Variants in LINGO2 observed in about 807,000 individuals in gnomAD.
LINGO2 encodes the protein leucine-rich repeat and immunoglobulin-like domain-containing nogo receptor-interacting protein 2.
LINGO2 carries 14 observed loss-of-function variants against 30.6 expected under a neutral mutation model. That is an observed-to-expected ratio of 0.46 (90% confidence interval 0.30 to 0.72). The LOEUF is 0.72. LINGO2 is among the 30% of genes least tolerant of loss of function. The pLI is 0.07. For synonymous variants in LINGO2, 317 were observed against 288.5 expected, an observed-to-expected ratio of 1.10 and a Z score of -1.00; for missense variants, 729 against 751.7, an observed-to-expected ratio of 0.97 and a Z score of 0.35.
chr9:27,954,942 T>C (rs1215444542), intron 5 of LINGO2, among the ~76,000 whole-genome samples: 1 of 152,216 alleles, frequency 6.6e-6, no homozygotes, highest in Non-Finnish European at 1.5e-5. Context: ...TAATAGCCAT[T>C]CTAACTGGGG....
chr9:28,378,156 G>T (rs77913745), intron 2 of LINGO2, among the ~76,000 whole-genome samples: 2,488 of 152,262 alleles, frequency 0.016, 71 homozygotes, highest in African/African-American at 0.057. Context: ...CGCAATTGTA[G>T]ATAAAATTCC....
chr9:28,272,190 C>A (rs977245280), intron 4 of LINGO2, among the ~76,000 whole-genome samples: 7 of 152,098 alleles, frequency 4.6e-5, no homozygotes, highest in Admixed American at 4.6e-4. Context: ...CCTACTGACC[C>A]CATGCTGTCC....
At chr9:29,176,750 G>T in the LINGO2 span, among the ~76,000 whole-genome samples, 5 of 152,240 alleles carry the variant, frequency 3.3e-5, no homozygotes, top group Non-Finnish European at 7.3e-5. Context: ...TCAAGGTAAA[G>T]ATGGTATAGA....
At chr9:29,101,123 C>T in the LINGO2 span, among the ~76,000 whole-genome samples, 3 of 152,096 alleles carry the variant, frequency 2.0e-5, no homozygotes, top group Non-Finnish European at 4.4e-5. Flanking sequence ...GATGTCATAA[C>T]TTTAGCAAGG....
At chr9:27,978,260 C>A (rs993713696) in intron 5 of LINGO2, among the ~76,000 whole-genome samples, 1 of 152,070 alleles carries the variant, frequency 6.6e-6, no homozygotes, top group African/African-American at 2.4e-5. Context: ...TTCAATGCAA[C>A]AGATGTCTGG....
chr9:28,035,599 G>A (rs1823892013), intron 4 of LINGO2, among the ~76,000 whole-genome samples: 1 of 152,118 alleles, frequency 6.6e-6, no homozygotes, highest in Admixed American at 6.5e-5. Flanking sequence ...TAAATGTTAT[G>A]CAGTTTTATC....
At chr9:28,469,837 T>C (rs1564219985) in intron 2 of LINGO2, among the ~76,000 whole-genome samples, 1 of 152,010 alleles carries the variant, frequency 6.6e-6, no homozygotes, top group Admixed American at 6.6e-5. Context: ...GTCTTACAAG[T>C]TGAAATGAAA....
At chr9:28,174,386 A>T (rs1828685255) in intron 4 of LINGO2, among the ~76,000 whole-genome samples, 1 of 152,188 alleles carries the variant, frequency 6.6e-6, no homozygotes, top group Non-Finnish European at 1.5e-5. Context: ...CCACTTGCTC[A>T]TGAGTCTTTG....
chr9:28,072,626 C>T (rs904897635), intron 4 of LINGO2, among the ~76,000 whole-genome samples: 34 of 152,208 alleles, frequency 2.2e-4, no homozygotes, highest in African/African-American at 6.5e-4. Context: ...AATAGCCACT[C>T]GGTAAATGAA....
chr9:28,755,826 G>C, the LINGO2 span, among the ~76,000 whole-genome samples: 1 of 152,040 alleles, frequency 6.6e-6, no homozygotes, highest in Admixed American at 6.6e-5. Flanking sequence ...AGCTATGTCC[G>C]ATCACAGCTA....
intron 4 of LINGO2, among the ~76,000 whole-genome samples, chr9:28,170,377 G>A (rs1293261700): frequency 6.6e-6 from 1 of 152,154 alleles, no homozygotes; most frequent in African/African-American, 2.4e-5. Flanking sequence ...GAGGATTATA[G>A]TGGCTATCCA....
rs183023057 is a variant in LINGO2, at chr9:28,642,272, C to G, written c.-365+27928G>C. Among the ~76,000 whole-genome samples the G allele has an allele frequency of 1.1e-3, 168 of 152,034 alleles. 1 individual carries two copies. Among genetic ancestry groups the G allele is most frequent in the Non-Finnish European group, 1.9e-3 (127 of 67,948 alleles). ...AACCCCAAATTTCAGTAAACATATT[C>G]TGCTAAAACTTTTAAACTGTGAGAT... is the stretch of plus-strand genomic sequence containing the variant. On this transcript the variant is annotated intron_variant, in intron 1 of 5. Coordinates refer to ENST00000379992, the Ensembl canonical transcript of LINGO2.
rs998416654 is a variant in LINGO2, at chr9:28,049,133, T to C, written c.-86-36728A>G. ...TGTATGCAATGCCTTCATGTCTTCA[T>C]GCCTTTATCCTAGTCAGCAATGCAT... On this transcript the variant is annotated intron_variant, in intron 4 of 5. Transcript: ENST00000379992. Among the ~76,000 whole-genome samples, 13 of 151,012 alleles carry C rather than the reference T, an allele frequency of 8.6e-5. 1 individual carries two copies. The highest frequency in any genetic ancestry group is 1.5e-4 in the Non-Finnish European group (10 of 67,874).
At chr9:28,612,243 A>T (rs1035873845) in intron 1 of LINGO2, among the ~76,000 whole-genome samples, 2 of 151,992 alleles carry the variant, frequency 1.3e-5, no homozygotes, top group Non-Finnish European at 2.9e-5. Flanking sequence ...TTTGTTTTTC[A>T]GTAGAGATGA....
chr9:28,799,351 A>G, the LINGO2 span, among the ~76,000 whole-genome samples: 1 of 152,122 alleles, frequency 6.6e-6, no homozygotes, highest in African/African-American at 2.4e-5. Flanking sequence ...AGCAATGTCC[A>G]TATCCCACCC....
intron 4 of LINGO2, among the ~76,000 whole-genome samples, chr9:28,184,968 A>C (rs112839497): frequency 0.011 from 1,625 of 152,244 alleles, 34 homozygotes; most frequent in African/African-American, 0.036. Context: ...CAAAACAAAA[A>C]AAAATCTTCT....
chr9:28,028,533 A>G (rs1823500471), intron 4 of LINGO2, among the ~76,000 whole-genome samples: 2 of 152,166 alleles, frequency 1.3e-5, no homozygotes, highest in African/African-American at 2.4e-5. Flanking sequence ...TAATATAATC[A>G]TTGAAATTAA....
intron 4 of LINGO2, among the ~76,000 whole-genome samples, chr9:28,170,588 T>C (rs1196318467): frequency 1.3e-5 from 2 of 152,218 alleles, no homozygotes; most frequent in East Asian, 1.9e-4. Context: ...AATTATCACA[T>C]ATTTAATGGC....
intron 4 of LINGO2, among the ~76,000 whole-genome samples, chr9:28,244,734 C>T (rs2133987153): frequency 6.6e-6 from 1 of 151,976 alleles, no homozygotes; most frequent in South Asian, 2.1e-4. Flanking sequence ...CACATACACC[C>T]TCCCAAAACT....
Sources: gnomAD v4.1 joint callset for allele counts (sites outside exome capture counted in the v4.1 genomes callset) on GRCh38, gnomAD v4.1.1 for gene constraint, MANE v1.5 for transcripts, NCBI Gene and HGNC (gene_info 2026-07-23, HGNC 2026-07-21) for gene names.